The following CTBP2 variants were observed in gnomAD, a reference collection of about 807,000 sequenced individuals.
The protein encoded by CTBP2 is C-terminal binding protein 2, also known as C-terminal-binding protein 2.
CTBP2 carries 30 observed loss-of-function variants against 80.3 expected under a neutral mutation model. That is an observed-to-expected ratio of 0.37 (90% CI 0.28 to 0.51). CTBP2 has a LOEUF of 0.51. CTBP2 is among the 20% of genes least tolerant of loss of function. CTBP2 has a pLI of 0.93. For synonymous variants in CTBP2, 594 were observed against 587.4 expected, an observed-to-expected ratio of 1.01 and a Z score of -0.16; for missense variants, 1,212 against 1,375.3, an observed-to-expected ratio of 0.88 and a Z score of 1.88.
intron 1 of CTBP2, among the ~76,000 whole-genome samples, chr10:125,018,878 T>C (rs1956778809): frequency 6.6e-6 from 1 of 152,248 alleles, no homozygotes; most frequent in Non-Finnish European, 1.5e-5. Context: ...CCCAGGGTGC[T>C]AACTCAGCCA....
At chr10:125,083,354 C>G (rs934682902) in intron 2 of CTBP2, among the ~76,000 whole-genome samples, 1 of 152,128 alleles carries the variant, frequency 6.6e-6, no homozygotes, top group Non-Finnish European at 1.5e-5. Flanking sequence ...GTCAACTACT[C>G]GGTGAAAACA....
At chr10:125,072,815 C>T (rs1484794794) in intron 2 of CTBP2, among the ~76,000 whole-genome samples, 1 of 152,098 alleles carries the variant, frequency 6.6e-6, no homozygotes, top group African/African-American at 2.4e-5. Flanking sequence ...GTAGCAGGAC[C>T]TGCAGGCTCA....
intron 1 of CTBP2, among the ~76,000 whole-genome samples, chr10:125,144,532 G>A (rs990926006): frequency 6.6e-5 from 10 of 152,176 alleles, no homozygotes; most frequent in Non-Finnish European, 1.2e-4. Flanking sequence ...CCCCGATCAA[G>A]ATAAAAAGGA....
intron 2 of CTBP2, among the ~76,000 whole-genome samples, chr10:125,082,371 C>A (rs182280218): frequency 1.3e-5 from 2 of 152,348 alleles, no homozygotes; most frequent in Admixed American, 1.3e-4. Flanking sequence ...TCTGGCCTCT[C>A]TCTGGAGAAG....
intron 8 of CTBP2, among the ~76,000 whole-genome samples, chr10:124,992,235 G>T (rs568198895): frequency 7.3e-4 from 101 of 138,156 alleles, no homozygotes; most frequent in Non-Finnish European, 1.4e-3. Context: ...TTTTGGTGGT[G>T]GGGTGGGGTC....
At chr10:125,147,843 G>A (rs1859066176) in intron 1 of CTBP2, among the ~76,000 whole-genome samples, 1 of 152,020 alleles carries the variant, frequency 6.6e-6, no homozygotes, top group South Asian at 2.1e-4. Context: ...GCCGCAGTCA[G>A]CCGTGATTGC....
intron 1 of CTBP2, among the ~76,000 whole-genome samples, chr10:125,144,115 CCTT>C (rs1163097138): frequency 1.3e-5 from 2 of 152,184 alleles, no homozygotes; most frequent in Non-Finnish European, 2.9e-5. Context: ...TCCCTTAAAT[CCTT>C]CTTCATCTAA....
In CTBP2 at chr10:125,027,628, G is replaced by T. The variant is rs777620342; in HGVS notation, c.132C>A (p.Gly44=). 6.2e-7 allele frequency: 1 copy of T among 1,614,058 alleles called. No homozygotes were observed. Among genetic ancestry groups the T allele is most frequent in the South Asian group, 1.1e-5 (1 of 91,078 alleles). ...GCTCAAACCAAGTCCCCTCTGCTGT[G>T]CCATACGTCAGGGAGCTTCTCCTCC... Residue 44 remains glycine (G), a synonymous_variant, in exon 1 of 9, where the codon GGC becomes GGA. Coordinates refer to ENST00000309035, the MANE Select transcript of CTBP2 (RefSeq NM_022802.3).
intron 2 of CTBP2, among the ~76,000 whole-genome samples, chr10:125,109,729 G>A (rs1852000133): frequency 6.6e-6 from 1 of 152,230 alleles, no homozygotes; most frequent in Non-Finnish European, 1.5e-5. Flanking sequence ...GCACTCCCAG[G>A]AAAGGGTTCT....
intron 2 of CTBP2, among the ~76,000 whole-genome samples, chr10:125,049,556 C>T (rs1037820892): frequency 5.9e-5 from 9 of 152,132 alleles, no homozygotes; most frequent in African/African-American, 1.2e-4. Flanking sequence ...CTTTCCAGGA[C>T]GAGGTTCCTC....
intron 2 of CTBP2, among the ~76,000 whole-genome samples, chr10:125,101,761 C>T (rs1032027202): frequency 2.0e-5 from 3 of 152,222 alleles, no homozygotes; most frequent in Non-Finnish European, 2.9e-5. Flanking sequence ...ACTACCTTCC[C>T]CTCCAGCCCA....
intron 3 of CTBP2, among the ~76,000 whole-genome samples, chr10:125,037,462 G>C (rs1959015208): frequency 6.6e-6 from 1 of 152,186 alleles, no homozygotes; most frequent in African/African-American, 2.4e-5. Flanking sequence ...CACCTTTACA[G>C]TGGAAGTCAA....
chr10:125,009,666 T>A (rs1476419876), intron 1 of CTBP2, among the ~76,000 whole-genome samples: 1 of 152,182 alleles, frequency 6.6e-6, no homozygotes, highest in Non-Finnish European at 1.5e-5. Flanking sequence ...TTCAGAGGCT[T>A]GGGTTTCTAC....
At chr10:125,014,575 C>T (rs75676109) in intron 1 of CTBP2, among the ~76,000 whole-genome samples, 2,385 of 152,356 alleles carry the variant, frequency 0.016, 58 homozygotes, top group African/African-American at 0.055. Flanking sequence ...ACCTTCCTTA[C>T]GGGGAGCAAC....
chr10:125,023,652 C>T (rs1957271440), intron 1 of CTBP2, among the ~76,000 whole-genome samples: 1 of 152,190 alleles, frequency 6.6e-6, no homozygotes, highest in South Asian at 2.1e-4. Context: ...GCAGCATACG[C>T]CTTCCTCACG....
At chr10:124,992,600 GCGGGAGGTTAAGCTT>G in intron 8 of CTBP2, 80 bp downstream of exon 10, 1 of 765,390 alleles carries the variant, frequency 1.3e-6, no homozygotes, top group South Asian at 1.8e-5. Context: ...CTTAGCATCT[GCGGGAGGTTAAGCTT>G]CCGCCAAGTT....
chr10:125,106,720 C>T (rs897175977), intron 2 of CTBP2, among the ~76,000 whole-genome samples: 1 of 152,224 alleles, frequency 6.6e-6, no homozygotes, highest in Non-Finnish European at 1.5e-5. Context: ...CCACCCAGGC[C>T]GGCCACACAG....
intron 1 of CTBP2, among the ~76,000 whole-genome samples, chr10:125,154,732 T>G (rs35106605): frequency 0.15 from 23,512 of 152,132 alleles, 2,222 homozygotes; most frequent in South Asian, 0.21. Flanking sequence ...AAGGTGAGGG[T>G]TAGAAAGTGA....
Position 125,119,657 on chromosome 10 carries a change from G to C in CTBP2, c.-205-8564C>G, listed in dbSNP as rs375376247. Among the ~76,000 whole-genome samples the C allele has an allele frequency of 3.2e-4, 48 of 152,306 alleles. 1 individual carries two copies. In the East Asian group the frequency reaches 5.0e-3, roughly 16 times the overall value. On this transcript the variant is annotated intron_variant, in intron 1 of 10. Coordinates refer to the CTBP2 transcript ENST00000337195. ...TCTCATTTTTAGTATATACGTATAT[G>C]CATAAGAGACAGAATAGATCCAAAG...
Sources: allele counts gnomAD v4.1 joint callset (sites outside exome capture counted in the v4.1 genomes callset), GRCh38; gene constraint gnomAD v4.1.1; transcripts MANE v1.5; gene names NCBI Gene and HGNC (gene_info 2026-07-23, HGNC 2026-07-21).